Variants in ACSBG1 observed in about 807,000 individuals in gnomAD.
ACSBG1 encodes long-chain-fatty-acid--CoA ligase ACSBG1.
In ACSBG1, 39 loss-of-function variants were observed where a neutral mutation model predicts 80.2. The ratio of observed to expected loss-of-function variants is 0.49; its 90% CI spans 0.38 to 0.64. The LOEUF (loss-of-function observed/expected upper bound fraction) is 0.64. Ranked by LOEUF, ACSBG1 falls within the 30% of genes least tolerant of loss-of-function variation. The pLI is 0.00. For synonymous variants in ACSBG1, 392 were observed against 379.5 expected (o/e 1.03, Z -0.38); for missense variants, 828 against 966.4 (o/e 0.86, Z 1.90).
At position 78,177,989 on chromosome 15, in the gene ACSBG1, T is replaced by A. The variant is rs1595880085; in HGVS notation, c.1702+625A>T. Among the ~76,000 whole-genome samples, 1 of 152,220 alleles carries A rather than the reference T, an allele frequency of 6.6e-6. No individual in the cohort carries two copies. Among genetic ancestry groups the A allele is most frequent in the Admixed American group, 6.5e-5 (1 of 15,284 alleles). On this transcript the variant is annotated intron_variant, in intron 11 of 13. Coordinates refer to ENST00000258873, the MANE Select transcript of ACSBG1 (RefSeq NM_015162.5). The surrounding 1 kb of genome is among the most constrained non-coding windows in gnomAD (Gnocchi z 4.1). ...ATCCATGTTTGCATATAAAAATACA[T>A]AATACTTACGCTCCTGAATCTTCTG...
Position 78,212,492 on chromosome 15 carries a change from C to T in ACSBG1, c.132-4390G>A, listed in dbSNP as rs548971929. On this transcript the variant is annotated intron_variant, in intron 1 of 13. Coordinates refer to ENST00000258873, the MANE Select transcript of ACSBG1 (RefSeq NM_015162.5). ...TCCAGGTTGCGTGCCAACTACTTTC[C>T]CTGGGAGACTGGCTGCGGGGCAGGA... 10 of 452,462 alleles carry T rather than the reference C, an allele frequency of 2.2e-5. No individual in the cohort carries two copies. In the East Asian group the frequency reaches 7.0e-4, roughly 32 times the overall value. 28.0% of individuals were successfully genotyped at this position (452,462 alleles called of 1,614,324 possible).
intron 1 of ACSBG1, among the ~76,000 whole-genome samples, chr15:78,219,953 A>C (rs1177548807): frequency 2.0e-5 from 3 of 152,248 alleles, no homozygotes; most frequent in Admixed American, 6.5e-5. Context: ...ACTGCACTCC[A>C]GAATCTGGGC....
chr15:78,208,273 G>T (rs2075235073), intron 1 of ACSBG1, among the ~76,000 whole-genome samples, 171 bp from the exon 2 acceptor site: 1 of 152,128 alleles, frequency 6.6e-6, no homozygotes, highest in African/African-American at 2.4e-5. Context: ...GGAGTCAGGG[G>T]ACAAGACCTC....
At chr15:78,225,642 C>T (rs6495284) in intron 1 of ACSBG1, among the ~76,000 whole-genome samples, 85,878 of 151,626 alleles carry the variant, frequency 0.57, 24,493 homozygotes, top group East Asian at 0.67. Flanking sequence ...AGTCAATTTA[C>T]TCCCAGTCAA....
intron 1 of ACSBG1, among the ~76,000 whole-genome samples, chr15:78,220,637 T>A (rs1438532642): frequency 6.6e-6 from 1 of 152,116 alleles, no homozygotes; most frequent in Non-Finnish European, 1.5e-5. Flanking sequence ...AGACAAATAA[T>A]CCAGTTAAAA....
intron 8 of ACSBG1, 185 bp from the exon 9 acceptor site, chr15:78,181,121 C>G (rs1486460520): frequency 4.4e-6 from 3 of 686,450 alleles, no homozygotes; most frequent in South Asian, 4.2e-5. Flanking sequence ...CTCACAGAAC[C>G]CTGGTGGCAG....
intron 9 of ACSBG1, 48 bp from the exon 10 acceptor site, chr15:78,179,828 CACACACACACACACAT>C (rs777934593): frequency 1.5e-6 from 2 of 1,297,592 alleles, no homozygotes; most frequent in East Asian, 4.7e-5. Context: ...CACACACACA[CACACACACACACACAT>C]ACACACATTA....
intron 7 of ACSBG1, 148 bp from the exon 8 acceptor site, chr15:78,182,293 C>A (rs576486030): frequency 2.3e-6 from 3 of 1,316,794 alleles, no homozygotes; most frequent in Admixed American, 5.2e-5. Flanking sequence ...GGCCTCCCCT[C>A]CCCCTTGCTG....
chr15:78,199,481 C>T (rs2075146282), intron 2 of ACSBG1, among the ~76,000 whole-genome samples: 1 of 151,922 alleles, frequency 6.6e-6, no homozygotes, highest in Non-Finnish European at 1.5e-5. Context: ...TGCTTGAGGC[C>T]AAAAGTTGCA....
At chr15:78,218,964 A>G (rs1232522706) in intron 1 of ACSBG1, among the ~76,000 whole-genome samples, 1 of 151,304 alleles carries the variant, frequency 6.6e-6, no homozygotes, top group African/African-American at 2.4e-5. Flanking sequence ...GGCGCCCACC[A>G]CCATGCCTGG....
chr15:78,212,495 G>A (rs1336856481), intron 1 of ACSBG1: 1 of 452,820 alleles, frequency 2.2e-6, no homozygotes, highest in Non-Finnish European at 4.5e-6. Flanking sequence ...TACTTTCCCT[G>A]GGAGACTGGC....
rs930084554 is a variant in ACSBG1 at position 78,171,764 on chromosome 15, T to C, written c.2090-235A>G. 4 of 413,604 alleles carry C rather than the reference T, an allele frequency of 9.7e-6. No homozygotes were observed. In the Admixed American group the frequency reaches 1.1e-4, roughly 12 times the overall value. 25.6% of individuals were successfully genotyped at this position (413,604 alleles called of 1,614,324 possible). On this transcript the variant is annotated intron_variant, in intron 13 of 13. Transcript: ENST00000258873. Reference sequence around the variant, plus strand: ...CAGTGGAGTATAGATGAAGGGTTGGTATGTCACCTCTGAGAATAGGTTATA... The same window carrying C: ...CAGTGGAGTATAGATGAAGGGTTGGCATGTCACCTCTGAGAATAGGTTATA...
chr15:78,191,010 T>C (rs769043479), intron 5 of ACSBG1, among the ~76,000 whole-genome samples: 1 of 152,200 alleles, frequency 6.6e-6, no homozygotes, highest in Non-Finnish European at 1.5e-5. Context: ...ATGTGCTGTC[T>C]ACAAGAAACT....
At chr15:78,207,917 T>TCCC in intron 2 of ACSBG1, 85 bp downstream of exon 2, 13 of 876,064 alleles carry the variant, frequency 1.5e-5, no homozygotes, top group Non-Finnish European at 2.0e-5. Context: ...TGTGTGGTGG[T>TCCC]CCCCCACACC....
chr15:78,220,416 C>G (rs1567098670), intron 1 of ACSBG1, among the ~76,000 whole-genome samples: 1 of 151,974 alleles, frequency 6.6e-6, no homozygotes, highest in East Asian at 1.9e-4. Flanking sequence ...TTGTGTTAGG[C>G]AAGTTTTTTT....
intron 3 of ACSBG1, 136 bp downstream of exon 3, chr15:78,194,370 C>T (rs546780882): frequency 8.7e-6 from 7 of 802,626 alleles, no homozygotes; most frequent in South Asian, 1.8e-5. Flanking sequence ...ATCAGCCCCA[C>T]GCACAATGAC....
At chr15:78,229,698 A>G (rs1284559505) in intron 1 of ACSBG1, among the ~76,000 whole-genome samples, 1 of 151,914 alleles carries the variant, frequency 6.6e-6, no homozygotes, top group Non-Finnish European at 1.5e-5. Context: ...GGACCCTTGG[A>G]GCTCCCAAGT....
chr15:78,189,380 A>G (rs201838106), intron 5 of ACSBG1, among the ~76,000 whole-genome samples: 5,871 of 151,630 alleles, frequency 0.039, 201 homozygotes, highest in East Asian at 0.17. Context: ...ACGTATGTTT[A>G]TTGCGGCACT....
chr15:78,201,743 G>A (rs899201936), intron 2 of ACSBG1, among the ~76,000 whole-genome samples: 2 of 152,230 alleles, frequency 1.3e-5, no homozygotes, highest in Admixed American at 1.3e-4. Flanking sequence ...TGGACAATGA[G>A]TTAGAAGGGC....
Sources: gnomAD v4.1 joint callset for allele counts (sites outside exome capture counted in the v4.1 genomes callset) on GRCh38, gnomAD v4.1.1 for gene constraint, Gnocchi (gnomAD v3.1) non-coding constraint, MANE v1.5 for transcripts, NCBI Gene and HGNC (gene_info 2026-07-23, HGNC 2026-07-21) for gene names.